The following SLIT2 variants were observed in gnomAD, a reference collection of about 807,000 sequenced individuals.
SLIT2 encodes slit homolog 2 protein.
SLIT2 carries 41 observed loss-of-function variants against 185.7 expected under a neutral mutation model. That is an observed-to-expected ratio of 0.22 (90% CI 0.17 to 0.29). The LOEUF is 0.29. SLIT2 is among the 10% of genes least tolerant of loss of function. The pLI is 1.00. For missense variants in SLIT2, 1,571 were observed against 1,909.0 expected (o/e 0.82, Z 3.30); for synonymous variants, 693 against 680.2 (o/e 1.02, Z -0.29).
chr4:20,381,927 A>AAC (rs1386575629), intron 4 of SLIT2, among the ~76,000 whole-genome samples: 1 of 151,970 alleles, frequency 6.6e-6, no homozygotes, highest in Non-Finnish European at 1.5e-5. Context: ...ATAAATACAT[A>AAC]TGTATTTATG....
At chr4:20,483,242 A>G (rs1716889570) in intron 6 of SLIT2, among the ~76,000 whole-genome samples, 1 of 152,144 alleles carries the variant, frequency 6.6e-6, no homozygotes, top group African/African-American at 2.4e-5. Context: ...GCCCTTGGTC[A>G]TTGATGAAAA....
rs1196247487 is a variant in SLIT2, at chr4:20,355,995, A to G, written c.395+87114A>G. ...GCATTATAAAAAATATAATTTAAAT[A>G]CATAGATCAAATAGAGCCATATATA... On this transcript the variant is annotated intron_variant, in intron 4 of 36. Coordinates refer to ENST00000504154, the MANE Select transcript of SLIT2 (RefSeq NM_004787.4). Among the ~76,000 whole-genome samples, 4 of 152,222 alleles carry G rather than the reference A, an allele frequency of 2.6e-5. No individual in the cohort carries two copies. In the East Asian group the frequency reaches 7.7e-4, roughly 29 times the overall value.
intron 4 of SLIT2, among the ~76,000 whole-genome samples, chr4:20,354,028 G>A (rs1301324128): frequency 6.6e-6 from 1 of 152,168 alleles, no homozygotes; most frequent in South Asian, 2.1e-4. Context: ...TCCAAAACCA[G>A]AGGAAACTGC....
chr4:20,413,060 G>A (rs1231390686), intron 4 of SLIT2, among the ~76,000 whole-genome samples: 2 of 152,078 alleles, frequency 1.3e-5, no homozygotes, highest in African/African-American at 4.8e-5. Context: ...AGTTTGAGTA[G>A]TATTGGTATT....
intron 26 of SLIT2, among the ~76,000 whole-genome samples, chr4:20,559,906 A>T (rs983220277): frequency 6.6e-6 from 1 of 151,912 alleles, no homozygotes; most frequent in Non-Finnish European, 1.5e-5. Context: ...GAAAATTCTG[A>T]ACTACCCTCA....
chr4:20,461,048 G>A (rs894207432), intron 4 of SLIT2, among the ~76,000 whole-genome samples: 2 of 152,168 alleles, frequency 1.3e-5, no homozygotes, highest in East Asian at 3.8e-4. Flanking sequence ...ATAAGCAAAT[G>A]GAGAGAGAGG....
intron 4 of SLIT2, among the ~76,000 whole-genome samples, chr4:20,377,851 C>G (rs773905760): frequency 6.6e-6 from 1 of 151,966 alleles, no homozygotes; most frequent in Non-Finnish European, 1.5e-5. Flanking sequence ...ATTCATACAA[C>G]GAGTAGCAAA....
intron 4 of SLIT2, among the ~76,000 whole-genome samples, chr4:20,410,243 CTTTTTTTTT>C (rs1160985126): frequency 2.9e-5 from 2 of 69,050 alleles, no homozygotes; most frequent in Non-Finnish European, 5.4e-5. Flanking sequence ...TCTTTCTTTT[CTTTTTTTTT>C]TTTTTTTTTT....
Position 20,587,520 on chromosome 4 carries a change from G to A in SLIT2, c.3089-2124G>A, listed in dbSNP as rs1023038054. 4.6e-5 allele frequency among the ~76,000 whole-genome samples: 7 copies of A among 152,150 alleles called. No homozygotes were observed. In the East Asian group the frequency reaches 1.3e-3, roughly 29 times the overall value. On this transcript the variant is annotated intron_variant, in intron 29 of 36. Coordinates refer to ENST00000504154, the MANE Select transcript of SLIT2 (RefSeq NM_004787.4). ...TGCTTAATCTTAAAGCTGTTGATTA[G>A]AGATTTAACAATCTGGTTAGCTAAC...
At chr4:20,432,711 C>A (rs374817682) in intron 4 of SLIT2, among the ~76,000 whole-genome samples, 3 of 151,776 alleles carry the variant, frequency 2.0e-5, no homozygotes, top group East Asian at 1.9e-4. Context: ...GAGCTCTTAT[C>A]GGGCATTTTA....
At chr4:20,496,991 A>C (rs564083913) in intron 9 of SLIT2, among the ~76,000 whole-genome samples, 1 of 152,316 alleles carries the variant, frequency 6.6e-6, no homozygotes, top group South Asian at 2.1e-4. Context: ...AAATGGGTCT[A>C]GAATGCTAAA....
At chr4:20,379,928 A>C (rs1724355048) in intron 4 of SLIT2, among the ~76,000 whole-genome samples, 1 of 152,082 alleles carries the variant, frequency 6.6e-6, no homozygotes, top group African/African-American at 2.4e-5. Context: ...CTGGAATTTG[A>C]GGGGTAAAAT....
chr4:20,282,469 A>C (rs1333089257), intron 4 of SLIT2, among the ~76,000 whole-genome samples: 1 of 152,184 alleles, frequency 6.6e-6, no homozygotes, highest in Non-Finnish European at 1.5e-5. Context: ...TTAAAAGTAT[A>C]GTTCTTATCT....
At chr4:20,538,247 A>G (rs1231470947) in intron 18 of SLIT2, among the ~76,000 whole-genome samples, 1 of 152,218 alleles carries the variant, frequency 6.6e-6, no homozygotes, top group African/African-American at 2.4e-5. Flanking sequence ...GGCATGAGCC[A>G]CTGGACCTGG....
At chr4:20,263,006 T>C (rs1449746828) in intron 3 of SLIT2, among the ~76,000 whole-genome samples, 1 of 151,842 alleles carries the variant, frequency 6.6e-6, no homozygotes, top group African/African-American at 2.4e-5. Flanking sequence ...CAGTGTTTGC[T>C]GGATGCCGTG....
chr4:20,518,406 C>A (rs1720456290), intron 11 of SLIT2, among the ~76,000 whole-genome samples: 1 of 140,542 alleles, frequency 7.1e-6, no homozygotes, highest in African/African-American at 2.6e-5. Context: ...GTGCCCACCA[C>A]CATGCCTGGC....
At position 20,355,531 on chromosome 4, in the gene SLIT2, T is replaced by A. The variant is rs550246341; in HGVS notation, c.395+86650T>A. ...GTATTCAGGACAGATGAGATTTTTT[T>A]AAAAAAGACATTTTCTTAAGGAAAG... On this transcript the variant is annotated intron_variant, in intron 4 of 36. Transcript: ENST00000504154. 5.0e-4 allele frequency among the ~76,000 whole-genome samples: 76 copies of A among 152,298 alleles called. No individual in the cohort carries two copies. The South Asian group carries it at 0.014, about 29-fold the overall frequency.
At chr4:20,475,663 G>C (rs1169952714) in intron 5 of SLIT2, among the ~76,000 whole-genome samples, 1 of 151,966 alleles carries the variant, frequency 6.6e-6, no homozygotes, top group Non-Finnish European at 1.5e-5. Flanking sequence ...ATAAGATGAC[G>C]TATCTACAGA....
At chr4:20,302,144 C>T (rs674697) in intron 4 of SLIT2, among the ~76,000 whole-genome samples, 152,374 of 152,374 alleles carry the variant, frequency 1, 76,187 homozygotes, top group Non-Finnish European at 1. Flanking sequence ...GGCAGAAACA[C>T]ATGACACATT....
Sources: gnomAD v4.1 joint callset for allele counts (sites outside exome capture counted in the v4.1 genomes callset) on GRCh38, gnomAD v4.1.1 for gene constraint, MANE v1.5 for transcripts, NCBI Gene and HGNC (gene_info 2026-07-23, HGNC 2026-07-21) for gene names.